Variants in CAMKMT observed in about 807,000 individuals in gnomAD.
CAMKMT encodes the protein calmodulin-lysine N-methyltransferase.
In CAMKMT, 53 loss-of-function variants were observed where a neutral mutation model predicts 48.0. The ratio of observed to expected loss-of-function variants is 1.10; its 90% confidence interval spans 0.89 to 1.39. The LOEUF (loss-of-function observed/expected upper bound fraction) is 1.39, where lower values mean the gene tolerates loss of function less well. Ranked by LOEUF, CAMKMT falls within the 40% of genes most tolerant of loss-of-function variation. The pLI, the probability that CAMKMT is intolerant of heterozygous loss-of-function variation, is 0.00. For missense variants in CAMKMT, 428 were observed against 402.7 expected (o/e 1.06, Z -0.54); for synonymous variants, 165 against 152.3 (o/e 1.08, Z -0.61).
intron 3 of CAMKMT, among the ~76,000 whole-genome samples, chr2:44,472,612 C>T (rs557546847): frequency 2.0e-5 from 3 of 152,180 alleles, no homozygotes; most frequent in Admixed American, 1.3e-4. Flanking sequence ...AAGCAAGAAC[C>T]TGAGGATACA....
chr2:44,379,060 G>A (rs933329187), intron 2 of CAMKMT, among the ~76,000 whole-genome samples: 16 of 152,166 alleles, frequency 1.1e-4, no homozygotes, highest in Admixed American at 9.2e-4. Context: ...TACATTGGCT[G>A]TAACTCCCCA....
In CAMKMT at chr2:44,387,149, A is replaced by G. The variant is rs528603676; in HGVS notation, c.312-3092A>G. Among the ~76,000 whole-genome samples the G allele has an allele frequency of 2.0e-4, 30 of 151,988 alleles. No homozygotes were observed. In the South Asian group the frequency reaches 6.2e-3, roughly 32 times the overall value. On this transcript the variant is annotated intron_variant, in intron 2 of 10. Coordinates refer to ENST00000378494, the MANE Select transcript of CAMKMT (RefSeq NM_024766.5). ...CTCTACTATTATTGTGTTGCTGTCT[A>G]TCTCATTTCTTAGGCATTAGTAATT...
rs186473995 is a variant in CAMKMT at position 44,433,810 on chromosome 2, T to C, written c.376+43505T>C. Among the ~76,000 whole-genome samples the C allele has an allele frequency of 3.3e-5, 5 of 152,326 alleles. No homozygotes were observed. In the East Asian group the frequency reaches 9.6e-4, roughly 29 times the overall value. On this transcript the variant is annotated intron_variant, in intron 3 of 10. Coordinates refer to ENST00000378494, the MANE Select transcript of CAMKMT (RefSeq NM_024766.5). The stretch of plus-strand genomic sequence containing the variant: ...AGTTATCAATGTTTATTCAAAGTAT[T>C]ATTTTTCCTCAATTTAAGAGAAATC...
At chr2:44,617,399 A>T (rs1010507808) in intron 3 of CAMKMT, among the ~76,000 whole-genome samples, 2 of 152,354 alleles carry the variant, frequency 1.3e-5, no homozygotes, top group Non-Finnish European at 2.9e-5. Context: ...AGGTAAGGGA[A>T]GAGACCCCAT....
At chr2:44,740,123 C>CT (rs1558828998) in intron 7 of CAMKMT, among the ~76,000 whole-genome samples, 80 of 130,050 alleles carry the variant, frequency 6.2e-4, no homozygotes, top group African/African-American at 2.3e-3. Context: ...CTGATTGCTG[C>CT]ATTTTTTTTT....
In CAMKMT at chr2:44,766,525, A is replaced by T; in HGVS notation, c.858A>T (p.Glu286Asp). 2 of 1,614,162 alleles carry T rather than the reference A, an allele frequency of 1.2e-6. No homozygotes were observed. Among genetic ancestry groups the T allele is most frequent in the Non-Finnish European group, 1.7e-6 (2 of 1,180,026 alleles). Residue 286 changes from glutamate (E) to aspartate (D), a missense_variant, in exon 10 of 11, where the codon GAA becomes GAT. Transcript: ENST00000378494. ...CTGGTTTCTGTATCCAAAGACATGA[A>T]AATTATGATGAACACATTTCAAACT... ...EKAGFCIQRHENYDEHISNFH... is the reference protein window; with the variant it reads ...EKAGFCIQRHDNYDEHISNFH...
intron 3 of CAMKMT, among the ~76,000 whole-genome samples, chr2:44,409,800 G>T (rs941321143): frequency 6.6e-6 from 1 of 152,076 alleles, no homozygotes; most frequent in Non-Finnish European, 1.5e-5. Context: ...ATGCAGAGAA[G>T]CAATATGATG....
intron 3 of CAMKMT, among the ~76,000 whole-genome samples, chr2:44,528,333 A>C (rs937217777): frequency 2.0e-5 from 3 of 152,082 alleles, no homozygotes; most frequent in African/African-American, 7.2e-5. Flanking sequence ...ATATTAGAAA[A>C]ATTTAAAAAT....
intron 3 of CAMKMT, among the ~76,000 whole-genome samples, chr2:44,562,487 A>G (rs1050047559): frequency 1.3e-5 from 2 of 152,172 alleles, no homozygotes; most frequent in African/African-American, 4.8e-5. Flanking sequence ...TATTTCACAA[A>G]TGATGAAACC....
At chr2:44,542,558 T>C (rs62135378) in intron 3 of CAMKMT, among the ~76,000 whole-genome samples, 5,061 of 48,860 alleles carry the variant, frequency 0.1, 280 homozygotes, top group African/African-American at 0.19. Context: ...CTCTCTCTCT[T>C]TCTCTCTCCA....
chr2:44,370,200 T>C (rs1679015971), intron 1 of CAMKMT, among the ~76,000 whole-genome samples: 1 of 144,544 alleles, frequency 6.9e-6, no homozygotes, highest in African/African-American at 2.9e-5. Context: ...GTAGTAGGTA[T>C]CTATCCCATA....
intron 3 of CAMKMT, among the ~76,000 whole-genome samples, chr2:44,576,724 A>G (rs1669241311): frequency 6.6e-6 from 1 of 152,220 alleles, no homozygotes; most frequent in African/African-American, 2.4e-5. Flanking sequence ...AGTGAGAGAA[A>G]GGTCAAAAAT....
intron 1 of CAMKMT, among the ~76,000 whole-genome samples, chr2:44,368,505 C>T (rs949090933): frequency 2.0e-5 from 3 of 152,208 alleles, no homozygotes; most frequent in Middle Eastern, 6.8e-3. Flanking sequence ...AGCTTGTTGT[C>T]GTATTGTCGA....
At chr2:44,398,875 A>G (rs1558577848) in intron 3 of CAMKMT, among the ~76,000 whole-genome samples, 1 of 152,140 alleles carries the variant, frequency 6.6e-6, no homozygotes, top group Non-Finnish European at 1.5e-5. Context: ...TGATGATTGA[A>G]TGAATTTAGT....
At chr2:44,540,506 T>C (rs1037160640) in intron 3 of CAMKMT, among the ~76,000 whole-genome samples, 5 of 152,178 alleles carry the variant, frequency 3.3e-5, no homozygotes, top group East Asian at 1.9e-4. Flanking sequence ...ATCCCAGCAC[T>C]TTGGGAGGCC....
chr2:44,528,077 A>G (rs541339065), intron 3 of CAMKMT, among the ~76,000 whole-genome samples: 58 of 152,272 alleles, frequency 3.8e-4, no homozygotes, highest in African/African-American at 1.3e-3. Flanking sequence ...TTGAGAGATT[A>G]TTTGGTGCAG....
intron 3 of CAMKMT, among the ~76,000 whole-genome samples, chr2:44,594,502 A>G (rs1382187639): frequency 2.0e-5 from 3 of 152,174 alleles, no homozygotes; most frequent in African/African-American, 4.8e-5. Context: ...CTCAGAAATA[A>G]CACCACACAT....
intron 8 of CAMKMT, among the ~76,000 whole-genome samples, chr2:44,748,541 A>G (rs191904934): frequency 6.6e-6 from 1 of 152,262 alleles, no homozygotes; most frequent in African/African-American, 2.4e-5. Context: ...TACAATCATA[A>G]TCTTCTTTTA....
chr2:44,379,380 C>T (rs1219781835), intron 2 of CAMKMT, among the ~76,000 whole-genome samples: 1 of 152,132 alleles, frequency 6.6e-6, no homozygotes, highest in African/African-American at 2.4e-5. Context: ...TATGCATGTA[C>T]AAGTTTTTGT....
Sources: allele counts gnomAD v4.1 joint callset (sites outside exome capture counted in the v4.1 genomes callset), GRCh38; gene constraint gnomAD v4.1.1; transcripts MANE v1.5; gene names NCBI Gene and HGNC (gene_info 2026-07-23, HGNC 2026-07-21).